The following TTYH2 variants were observed in gnomAD, a reference collection of about 807,000 sequenced individuals.
The protein encoded by TTYH2 is tweety family member 2, also known as protein tweety homolog 2.
A neutral mutation model predicts 68.3 loss-of-function variants in TTYH2; 49 were observed. The observed-to-expected ratio is 0.72, with a 90% CI of 0.57 to 0.91. The LOEUF is 0.91. Among genes scored for constraint, TTYH2 ranks in the 40% least tolerant of loss-of-function variants. The probability of loss-of-function intolerance (pLI) is 0.00; values close to 1 mark genes in which losing one functional copy is unlikely to be tolerated. For synonymous variants in TTYH2, 272 were observed against 300.8 expected (o/e 0.90, Z 0.99); for missense variants, 631 against 700.4 (o/e 0.90, Z 1.12).
At chr17:74,253,946 T>A in intron 13 of TTYH2, 113 bp downstream of exon 13, 1 of 1,160,074 alleles carries the variant, frequency 8.6e-7, no homozygotes, top group Non-Finnish European at 1.3e-6. Flanking sequence ...GTTCTGTTAT[T>A]GAATATGCAC....
chr17:74,241,262 C>CGT lies in TTYH2; in HGVS notation c.636-2078_636-2077dup, dbSNP rs199960092. On this transcript the variant is annotated intron_variant, in intron 4 of 13. Transcript: ENST00000269346. The surrounding 1 kb of genome is among the most constrained non-coding windows in gnomAD (Gnocchi z 4.1). ...ATAGACAGACCCGGTATTTATAATA[C>CGT]GTGTGTGTGTGTGTGTGTGTGTGTG... 0.052 allele frequency among the ~76,000 whole-genome samples: 7,587 copies of CGT among 144,684 alleles called. 244 individuals are homozygous for CGT. Among genetic ancestry groups the CGT allele is most frequent in the African/African-American group, 0.085 (3,318 of 38,964 alleles). The allele number at this position is 144,684 out of a possible 152,430, so 94.9% of individuals were successfully genotyped here. A position where few individuals can be genotyped will look rare whatever the true frequency, so the allele number is the denominator to read the frequency against.
rs1182384742 is a variant in TTYH2 at position 74,245,279 on chromosome 17, GT to G, written c.804+1233del. 3.9e-5 allele frequency among the ~76,000 whole-genome samples: 6 copies of G among 152,280 alleles called. No homozygotes were observed. In the East Asian group the frequency reaches 1.2e-3, roughly 29 times the overall value. Reference sequence around the variant, plus strand: ...ATGGTCGAGAAAAGGCCCAAGTCATGTTTGAAAGCATGCAGGAGCTGGGACG... The same window carrying G: ...ATGGTCGAGAAAAGGCCCAAGTCATGTTGAAAGCATGCAGGAGCTGGGACG... On this transcript the variant is annotated intron_variant, in intron 6 of 13. Transcript: ENST00000269346.
At chr17:74,249,539 G>T (rs540739487) in intron 8 of TTYH2, 140 bp downstream of exon 8, 8 of 907,134 alleles carry the variant, frequency 8.8e-6, no homozygotes, top group Non-Finnish European at 1.2e-5. Context: ...CTTCTGTGAG[G>T]GGGGCGTGCT....
chr17:74,235,147 C>T (rs2050429840), intron 3 of TTYH2, among the ~76,000 whole-genome samples: 1 of 152,198 alleles, frequency 6.6e-6, no homozygotes, highest in African/African-American at 2.4e-5. Context: ...GAGAGCCATT[C>T]TCTTTTCTGG....
At chr17:74,249,679 G>T (rs978099617) in intron 8 of TTYH2, among the ~76,000 whole-genome samples, 1 of 152,200 alleles carries the variant, frequency 6.6e-6, no homozygotes, top group Non-Finnish European at 1.5e-5. Context: ...GCTCCCAGGT[G>T]AGGCCAGGGC....
At chr17:74,230,601 C>T (rs2050378416) in intron 2 of TTYH2, among the ~76,000 whole-genome samples, 1 of 151,748 alleles carries the variant, frequency 6.6e-6, no homozygotes. Context: ...CTCTACTGTC[C>T]ACTTAATTTT....
At chr17:74,230,515 A>T (rs1475052755) in intron 2 of TTYH2, among the ~76,000 whole-genome samples, 1 of 152,028 alleles carries the variant, frequency 6.6e-6, no homozygotes, top group Non-Finnish European at 1.5e-5. Flanking sequence ...GTTGTAATGG[A>T]TGTACCACTC....
chr17:74,251,101 G>A (rs1030888109), intron 10 of TTYH2, among the ~76,000 whole-genome samples: 8 of 53,240 alleles, frequency 1.5e-4, no homozygotes, highest in Non-Finnish European at 2.4e-4. Flanking sequence ...ATGTCTGTGC[G>A]TGTGTGGTGT....
At chr17:74,218,218 C>T (rs561820073) in intron 1 of TTYH2, among the ~76,000 whole-genome samples, 1 of 152,248 alleles carries the variant, frequency 6.6e-6, no homozygotes, top group East Asian at 1.9e-4. Context: ...CTTTTCCCTC[C>T]TCCTTCCTCC....
chr17:74,245,490 G>A (rs918577561), intron 6 of TTYH2, among the ~76,000 whole-genome samples: 50 of 152,240 alleles, frequency 3.3e-4, no homozygotes, highest in South Asian at 2.1e-4. Context: ...CCAGCTTGCC[G>A]CTGTGAGCTG....
chr17:74,246,878 C>T (rs532033930), intron 6 of TTYH2, among the ~76,000 whole-genome samples: 7 of 152,170 alleles, frequency 4.6e-5, no homozygotes, highest in African/African-American at 1.7e-4. Flanking sequence ...CAGGGAAACT[C>T]CTGTTTTTAA....
rs185398017 is a variant in TTYH2, at chr17:74,255,094, A to G, written c.1524+1261A>G. On this transcript the variant is annotated intron_variant, in intron 13 of 13. Coordinates refer to ENST00000269346, the MANE Select transcript of TTYH2 (RefSeq NM_032646.6). ...CAGAGAAGTATCCAAAGGACACAGA[A>G]ATACTGGCTGAGACAAAGAAAGCTG... is the stretch of plus-strand genomic sequence containing the variant. 1.4e-4 allele frequency among the ~76,000 whole-genome samples: 21 copies of G among 152,360 alleles called. 1 individual carries two copies. The highest frequency in any genetic ancestry group is 7.8e-4 in the Admixed American group (12 of 15,304).
rs1272912458 is a variant in TTYH2, at chr17:74,241,239, A to C, written c.636-2135A>C. Among the ~76,000 whole-genome samples the C allele has an allele frequency of 4.0e-5, 6 of 151,534 alleles. No individual in the cohort carries two copies. The highest frequency in any genetic ancestry group is 1.5e-4 in the African/African-American group (6 of 41,080). On this transcript the variant is annotated intron_variant, in intron 4 of 13. Coordinates refer to ENST00000269346, the MANE Select transcript of TTYH2 (RefSeq NM_032646.6). The surrounding 1 kb of genome is among the most constrained non-coding windows in gnomAD (Gnocchi z 4.1). ...AGTTTGAGACCAGCCTGGACAACAT[A>C]GACAGACCCGGTATTTATAATACGT...
At chr17:74,228,973 T>C (rs2050359868) in intron 2 of TTYH2, among the ~76,000 whole-genome samples, 1 of 152,218 alleles carries the variant, frequency 6.6e-6, no homozygotes, top group Admixed American at 6.5e-5. Context: ...CAGGTTCAGC[T>C]GTCTGATGGG....
chr17:74,257,126 C>T (rs2050701187), intron 13 of TTYH2: 2 of 152,238 alleles, frequency 1.3e-5, no homozygotes, highest in Admixed American at 1.3e-4. Context: ...ACTCTATGCA[C>T]TGTGATGCCA....
At chr17:74,237,714 C>T (rs1009641497) in intron 4 of TTYH2, among the ~76,000 whole-genome samples, 200 bp downstream of exon 4, 1 of 152,086 alleles carries the variant, frequency 6.6e-6, no homozygotes. Context: ...ACAATCTCTA[C>T]CTCCGGGGTT....
Position 74,222,369 on chromosome 17 carries a change from G to A in TTYH2, c.130-116G>A, listed in dbSNP as rs2050283926. The stretch of plus-strand genomic sequence containing the variant: ...CTTGAACCCTAGGTGGAGCTTGGAA[G>A]GATGGACGAGAGATGCAGCTCAGGC... On this transcript the variant is annotated intron_variant, in intron 1 of 13. Transcript: ENST00000269346. The surrounding 1 kb of genome is among the most constrained non-coding windows in gnomAD (Gnocchi z 5.2). 1.6e-6 allele frequency: 2 copies of A among 1,240,436 alleles called. No individual in the cohort carries two copies. The highest frequency in any genetic ancestry group is 2.2e-6 in the Non-Finnish European group (2 of 908,992). 76.8% of individuals were successfully genotyped at this position (1,240,436 alleles called of 1,614,324 possible).
chr17:74,251,250 G>T (rs914978332), intron 10 of TTYH2, among the ~76,000 whole-genome samples: 3 of 150,904 alleles, frequency 2.0e-5, no homozygotes, highest in African/African-American at 7.3e-5. Flanking sequence ...GGGGTGTGTG[G>T]TGTGTGCGTG....
chr17:74,240,310 A>G (rs1457216169), intron 4 of TTYH2, among the ~76,000 whole-genome samples: 1 of 152,142 alleles, frequency 6.6e-6, no homozygotes, highest in Non-Finnish European at 1.5e-5. Flanking sequence ...GTGGTGGCGC[A>G]CGCCTGTAGT....
Sources: allele counts gnomAD v4.1 joint callset (sites outside exome capture counted in the v4.1 genomes callset), GRCh38; gene constraint gnomAD v4.1.1; non-coding constraint Gnocchi (gnomAD v3.1); transcripts MANE v1.5; gene names NCBI Gene and HGNC (gene_info 2026-07-23, HGNC 2026-07-21).